The following AGAP1 variants were observed in gnomAD, a reference collection of about 807,000 sequenced individuals.
The protein encoded by AGAP1 is ArfGAP with GTPase domain, ankyrin repeat and PH domain 1, also known as arf-GAP with GTPase, ANK repeat and PH domain-containing protein 1.
A neutral mutation model predicts 105.3 loss-of-function variants in AGAP1; 29 were observed. The observed-to-expected ratio is 0.28, with a 90% CI of 0.21 to 0.38. The LOEUF is 0.38. Ranked by LOEUF, AGAP1 falls within the 10% of genes least tolerant of loss-of-function variation. The pLI is 1.00. For missense variants in AGAP1, 998 were observed against 1,165.1 expected, an observed-to-expected ratio of 0.86 and a Z score of 2.09; for synonymous variants, 509 against 485.9, an observed-to-expected ratio of 1.05 and a Z score of -0.63.
At position 235,642,516 on chromosome 2, in the gene AGAP1, C is replaced by T. The variant is rs1431786770; in HGVS notation, c.164-66663C>T. Among the ~76,000 whole-genome samples the T allele has an allele frequency of 6.6e-6, 1 of 152,154 alleles. No individual in the cohort carries two copies. Among genetic ancestry groups the T allele is most frequent in the Non-Finnish European group, 1.5e-5 (1 of 68,032 alleles). ...CCAGCACTCCCAGTGGACAGTCATG[C>T]CTGGACTTGTCTTCTCCACCTTCCA... On this transcript the variant is annotated intron_variant, in intron 1 of 17. Coordinates refer to ENST00000304032, the MANE Select transcript of AGAP1 (RefSeq NM_001037131.3). This position sits in a 1 kb window ranked among gnomAD's most constrained non-coding sequence, Gnocchi z 4.1.
chr2:235,603,308 A>G (rs541079430), intron 1 of AGAP1, among the ~76,000 whole-genome samples: 63 of 152,316 alleles, frequency 4.1e-4, no homozygotes, highest in African/African-American at 1.2e-3. Flanking sequence ...CTGTGAGTCC[A>G]TTAAACCTCT....
chr2:235,797,252 G>A (rs1377699656), intron 6 of AGAP1, among the ~76,000 whole-genome samples: 1 of 152,104 alleles, frequency 6.6e-6, no homozygotes, highest in East Asian at 1.9e-4. Flanking sequence ...ACTTAAATGA[G>A]ATAGGTGTGT....
intron 12 of AGAP1, among the ~76,000 whole-genome samples, chr2:235,945,266 A>G (rs988912045): frequency 3.3e-5 from 5 of 151,906 alleles, no homozygotes; most frequent in African/African-American, 1.2e-4. Context: ...GCGCCCGGCT[A>G]ATTTTTTGTA....
In AGAP1 at chr2:235,744,760, G is replaced by A. The variant is rs1952798869; in HGVS notation, c.459G>A (p.Gln153=). 1 of 1,613,978 alleles carries A rather than the reference G, an allele frequency of 6.2e-7. No homozygotes were observed. Among genetic ancestry groups the A allele is most frequent in the Non-Finnish European group, 8.5e-7 (1 of 1,180,034 alleles). The change falls in exon 5 of 18, where the codon CAG becomes CAA. Residue 153 remains glutamine (Q), a synonymous_variant. Transcript: ENST00000304032. The surrounding 1 kb of genome is among the most constrained non-coding windows in gnomAD (Gnocchi z 5.2). Reference sequence around the variant, plus strand: ...GCTTGGAGGATGAAATAAGTTTCCAGACCGTTTACCACTACTACAGTCGAA... The same window carrying A: ...GCTTGGAGGATGAAATAAGTTTCCAAACCGTTTACCACTACTACAGTCGAA... ...VFSLEDEISF[Q]TVYHYYSRMA... is the part of the protein sequence containing the mutation.
intron 9 of AGAP1, among the ~76,000 whole-genome samples, chr2:235,841,491 T>A (rs1046836258): frequency 6.6e-6 from 1 of 152,072 alleles, no homozygotes; most frequent in African/African-American, 2.4e-5. Flanking sequence ...TAGCCAGGCA[T>A]GGTGGTGTGC....
chr2:235,846,501 T>C (rs60144952), intron 9 of AGAP1, among the ~76,000 whole-genome samples: 4 of 42,172 alleles, frequency 9.5e-5, no homozygotes, highest in Non-Finnish European at 2.6e-4. Flanking sequence ...TAATTTTTGG[T>C]TTTTTTTTTA....
rs1380176181 is a variant in AGAP1 at position 235,716,819 on chromosome 2, TC to T, written c.223-734del. On this transcript the variant is annotated intron_variant, in intron 2 of 17. Transcript: ENST00000304032. This position sits in a 1 kb window ranked among gnomAD's most constrained non-coding sequence, Gnocchi z 4.0. ...CAACAGGGAGGCTTCCTGTGAAGAA[TC>T]CCCTGGAAAGTCAGCCTTGCCGCCA... is the stretch of plus-strand genomic sequence containing the variant. 1.3e-5 allele frequency among the ~76,000 whole-genome samples: 2 copies of T among 151,874 alleles called. No individual in the cohort carries two copies. The highest frequency in any genetic ancestry group is 3.9e-4 in the East Asian group (2 of 5,160).
intron 12 of AGAP1, among the ~76,000 whole-genome samples, chr2:235,932,242 TGAG>T (rs2052760076): frequency 6.6e-6 from 1 of 152,178 alleles, no homozygotes; most frequent in Admixed American, 6.5e-5. Flanking sequence ...CAGCCTAGGA[TGAG>T]CCTCCGTACC....
At position 235,747,367 on chromosome 2, in the gene AGAP1, G is replaced by A. The variant is rs1953041223; in HGVS notation, c.538+2528G>A. ...TTGATCGGATGTGGAAAGATGCCCA[G>A]GAAGGCCCCAGGGGAGTGTGTGCGT... On this transcript the variant is annotated intron_variant, in intron 5 of 17. Coordinates refer to ENST00000304032, the MANE Select transcript of AGAP1 (RefSeq NM_001037131.3). The surrounding 1 kb of genome is among the most constrained non-coding windows in gnomAD (Gnocchi z 5.0). 6.6e-6 allele frequency among the ~76,000 whole-genome samples: 1 copy of A among 152,174 alleles called. No individual in the cohort carries two copies. Among genetic ancestry groups the A allele is most frequent in the African/African-American group, 2.4e-5 (1 of 41,458 alleles).
In AGAP1 at chr2:236,012,151, T is replaced by C. The variant is rs997497488; in HGVS notation, c.1646-24410T>C. Among the ~76,000 whole-genome samples the C allele has an allele frequency of 6.6e-6, 1 of 152,014 alleles. No individual in the cohort carries two copies. The highest frequency in any genetic ancestry group is 1.5e-5 in the Non-Finnish European group (1 of 67,994). The stretch of plus-strand genomic sequence containing the variant: ...ACATTAAAATGGATTATTTCATCAA[T>C]AGGTTAATAGAAAGCCGGGCTGCAA... On this transcript the variant is annotated intron_variant, in intron 13 of 17. Transcript: ENST00000304032. This position sits in a 1 kb window ranked among gnomAD's most constrained non-coding sequence, Gnocchi z 4.9.
At chr2:236,102,231 C>T (rs543009916) in intron 16 of AGAP1, among the ~76,000 whole-genome samples, 20 of 152,224 alleles carry the variant, frequency 1.3e-4, no homozygotes, top group South Asian at 4.2e-4. Context: ...TCCTGGCTAA[C>T]ACGGTGAAAC....
chr2:235,830,295 A>G lies in AGAP1; in HGVS notation c.1050+22964A>G, dbSNP rs1959215662. On this transcript the variant is annotated intron_variant, in intron 9 of 17. Transcript: ENST00000304032. The surrounding 1 kb of genome is among the most constrained non-coding windows in gnomAD (Gnocchi z 5.5). ...TTGGTTTACTTAGTAAATTCGTTGTATTTTAAAAGTCAGATGGAATTTGTC... is the reference window on the plus strand; with the variant it reads ...TTGGTTTACTTAGTAAATTCGTTGTGTTTTAAAAGTCAGATGGAATTTGTC... Among the ~76,000 whole-genome samples the G allele has an allele frequency of 6.6e-6, 1 of 152,144 alleles. No homozygotes were observed. Among genetic ancestry groups the G allele is most frequent in the Admixed American group, 6.5e-5 (1 of 15,288 alleles).
chr2:235,899,712 G>GAATT (rs2050973071), intron 10 of AGAP1, among the ~76,000 whole-genome samples: 3 of 152,252 alleles, frequency 2.0e-5, no homozygotes, highest in Admixed American at 2.0e-4. Flanking sequence ...GACAGCAAAG[G>GAATT]AATTGTGTTG....
Position 235,754,199 on chromosome 2 carries a change from C to T in AGAP1, c.673+3711C>T, listed in dbSNP as rs1953708663. Among the ~76,000 whole-genome samples the T allele has an allele frequency of 6.6e-6, 1 of 152,182 alleles. No individual in the cohort carries two copies. The highest frequency in any genetic ancestry group is 1.5e-5 in the Non-Finnish European group (1 of 68,036). On this transcript the variant is annotated intron_variant, in intron 6 of 17. Transcript: ENST00000304032. The surrounding 1 kb of genome is among the most constrained non-coding windows in gnomAD (Gnocchi z 4.6). Reference sequence around the variant, plus strand: ...AAATCAGGTCCTGGGGCCTTAAGAACACACCAGCTTTGCCCACAGGTCTGG... The same window carrying T: ...AAATCAGGTCCTGGGGCCTTAAGAATACACCAGCTTTGCCCACAGGTCTGG...
intron 12 of AGAP1, among the ~76,000 whole-genome samples, chr2:235,947,503 G>A (rs773170500): frequency 6.6e-5 from 10 of 152,264 alleles, no homozygotes; most frequent in South Asian, 2.1e-4. Flanking sequence ...GGCTGGTTCC[G>A]TATTTTTGCA....
intron 9 of AGAP1, among the ~76,000 whole-genome samples, chr2:235,827,059 G>A (rs1428242987): frequency 1.3e-5 from 2 of 152,174 alleles, no homozygotes; most frequent in East Asian, 3.9e-4. Flanking sequence ...TCACCCCTGG[G>A]CGGGTTTGTA....
In AGAP1 at chr2:235,724,338, C is replaced by T. The variant is rs574545019; in HGVS notation, c.310+6694C>T. 4.0e-3 allele frequency among the ~76,000 whole-genome samples: 610 copies of T among 152,364 alleles called. 4 individuals are homozygous for T. Among genetic ancestry groups the T allele is most frequent in the African/African-American group, 0.014 (584 of 41,590 alleles). ...GCGACCCTCCAGCCCCATGTCCAGG[C>T]TCTCCCATCTTCCCAGCTCGGGCCA... is the stretch of plus-strand genomic sequence containing the variant. On this transcript the variant is annotated intron_variant, in intron 3 of 17. Coordinates refer to ENST00000304032, the MANE Select transcript of AGAP1 (RefSeq NM_001037131.3). The surrounding 1 kb of genome is among the most constrained non-coding windows in gnomAD (Gnocchi z 4.9).
intron 1 of AGAP1, among the ~76,000 whole-genome samples, chr2:235,627,778 C>T (rs114574984): frequency 0.011 from 1,648 of 152,220 alleles, 43 homozygotes; most frequent in African/African-American, 0.038. Flanking sequence ...ATGTCTATTG[C>T]TGAGAAAGAG....
intron 1 of AGAP1, among the ~76,000 whole-genome samples, chr2:235,523,521 G>A (rs137989011): frequency 6.6e-6 from 1 of 152,294 alleles, no homozygotes; most frequent in East Asian, 1.9e-4. Context: ...GCTTGGTGCA[G>A]GTTCCTGTGC....
Sources: allele counts gnomAD v4.1 joint callset (sites outside exome capture counted in the v4.1 genomes callset), GRCh38; gene constraint gnomAD v4.1.1; non-coding constraint Gnocchi (gnomAD v3.1); transcripts MANE v1.5; gene names NCBI Gene and HGNC (gene_info 2026-07-23, HGNC 2026-07-21).